The following SLC6A6 variants were observed in gnomAD, a reference collection of about 807,000 sequenced individuals.
The protein encoded by SLC6A6 is sodium- and chloride-dependent taurine transporter.
In SLC6A6, 16 loss-of-function variants were observed where a neutral mutation model predicts 68.8. That is an observed-to-expected ratio of 0.23 (90% CI 0.16 to 0.35). The LOEUF (loss-of-function observed/expected upper bound fraction) is 0.35. Among genes scored for constraint, SLC6A6 ranks in the 10% least tolerant of loss-of-function variants. The pLI, the probability that SLC6A6 is intolerant of heterozygous loss-of-function variation, is 1.00. For missense variants in SLC6A6, 474 were observed against 802.8 expected (o/e 0.59, Z 4.95); for synonymous variants, 312 against 315.4 (o/e 0.99, Z 0.12).
chr3:14,428,724 AG>A (rs1699656233), intron 2 of SLC6A6, among the ~76,000 whole-genome samples: 3 of 152,302 alleles, frequency 2.0e-5, no homozygotes, highest in African/African-American at 7.2e-5. Flanking sequence ...CACAGTCCAG[AG>A]CAGGGCAAGC....
Position 14,477,864 on chromosome 3 carries a change from A to G in SLC6A6, c.1347+522A>G, listed in dbSNP as rs1014171564. 2.0e-5 allele frequency among the ~76,000 whole-genome samples: 3 copies of G among 152,130 alleles called. No homozygotes were observed. The highest frequency in any genetic ancestry group is 6.5e-5 in the Admixed American group (1 of 15,272). On this transcript the variant is annotated intron_variant, in intron 11 of 14. Transcript: ENST00000622186. The surrounding 1 kb of genome is among the most constrained non-coding windows in gnomAD (Gnocchi z 4.2). The stretch of plus-strand genomic sequence containing the variant: ...AGGAGGGGCGATTTCAGATGCAGAC[A>G]AGGGAAGCAAAGAGCAGAAGGGAAC...
intron 2 of SLC6A6, among the ~76,000 whole-genome samples, chr3:14,426,024 A>G (rs1271000411): frequency 1.3e-5 from 2 of 152,162 alleles, no homozygotes; most frequent in Non-Finnish European, 2.9e-5. Flanking sequence ...TGCTCTTATG[A>G]TTGAGGCCAG....
chr3:14,469,162 A>T (rs943484888), intron 9 of SLC6A6, among the ~76,000 whole-genome samples: 1 of 151,934 alleles, frequency 6.6e-6, no homozygotes, highest in Non-Finnish European at 1.5e-5. Context: ...GGCCCTGCAC[A>T]GTTTACTTGG....
chr3:14,406,778 G>C (rs1699119225), intron 1 of SLC6A6, among the ~76,000 whole-genome samples: 1 of 152,216 alleles, frequency 6.6e-6, no homozygotes, highest in African/African-American at 2.4e-5. Context: ...AGGAATTGCT[G>C]TTCTGTTTCT....
At chr3:14,464,236 G>A (rs1356860150) in intron 6 of SLC6A6, among the ~76,000 whole-genome samples, 1 of 152,176 alleles carries the variant, frequency 6.6e-6, no homozygotes, top group Admixed American at 6.5e-5. Flanking sequence ...CTGCCCTCTG[G>A]TCTTGGGGAG....
At position 14,485,072 on chromosome 3, in the gene SLC6A6, C is replaced by A. The variant is rs541010494; in HGVS notation, c.*65C>A. On this transcript the variant is annotated 3_prime_UTR_variant, in exon 15 of 15. Coordinates refer to ENST00000622186, the MANE Select transcript of SLC6A6 (RefSeq NM_003043.6). ...TTACTAACATTAGATTCTCATAGGA[C>A]CAGGTTTACAGAGCTTTATATTTGC... 2.1e-6 allele frequency: 3 copies of A among 1,415,948 alleles called. No individual in the cohort carries two copies. Among genetic ancestry groups the A allele is most frequent in the Non-Finnish European group, 1.9e-6 (2 of 1,037,182 alleles). 87.7% of individuals were successfully genotyped at this position (1,415,948 alleles called of 1,614,324 possible). A position where few individuals can be genotyped will look rare whatever the true frequency, so the allele number is the denominator to read the frequency against.
chr3:14,428,149 T>C (rs757915414), intron 2 of SLC6A6, among the ~76,000 whole-genome samples: 5 of 152,162 alleles, frequency 3.3e-5, no homozygotes, highest in Admixed American at 6.5e-5. Flanking sequence ...CCCAGTCACA[T>C]GCACTGCAGA....
chr3:14,410,304 T>C (rs762686002), intron 1 of SLC6A6, among the ~76,000 whole-genome samples: 1 of 151,804 alleles, frequency 6.6e-6, no homozygotes, highest in African/African-American at 2.4e-5. Context: ...AAGGAAAGGG[T>C]TAATGCCTCC....
chr3:14,410,433 T>C (rs1331020757), intron 1 of SLC6A6, among the ~76,000 whole-genome samples: 2 of 152,182 alleles, frequency 1.3e-5, no homozygotes, highest in Non-Finnish European at 2.9e-5. Flanking sequence ...ACAGTTTGGC[T>C]GCTCAGGAGA....
chr3:14,486,128 A>G lies in SLC6A6; in HGVS notation c.*1121A>G, dbSNP rs1328557324. 3 of 152,650 alleles carry G rather than the reference A, an allele frequency of 2.0e-5. No homozygotes were observed. Among genetic ancestry groups the G allele is most frequent in the African/African-American group, 7.2e-5 (3 of 41,438 alleles). 9.5% of individuals were successfully genotyped at this position (152,650 alleles called of 1,614,324 possible). ...AGTGGTGGGGAGGTGAGTGGACCAA[A>G]GGATATAGGCCCCAGGCATGCAGAT... is the stretch of plus-strand genomic sequence containing the variant. On this transcript the variant is annotated 3_prime_UTR_variant, in exon 15 of 15. Transcript: ENST00000622186.
chr3:14,447,166 A>G (rs565640756), intron 4 of SLC6A6, among the ~76,000 whole-genome samples: 7 of 151,978 alleles, frequency 4.6e-5, no homozygotes, highest in Non-Finnish European at 8.8e-5. Context: ...CATTCATTCA[A>G]TCATCCAACT....
intron 13 of SLC6A6, among the ~76,000 whole-genome samples, chr3:14,480,241 A>G (rs899126279): frequency 2.6e-5 from 4 of 152,232 alleles, no homozygotes; most frequent in Non-Finnish European, 4.4e-5. Context: ...AAGTAATGGT[A>G]AGAGCCAGTA....
chr3:14,423,285 C>G (rs531766933), intron 2 of SLC6A6, among the ~76,000 whole-genome samples: 8 of 152,196 alleles, frequency 5.3e-5, no homozygotes, highest in Admixed American at 1.3e-4. Flanking sequence ...CTGTGCCAGG[C>G]CTTCTCATGC....
At chr3:14,430,686 GC>G (rs1442479385) in intron 2 of SLC6A6, among the ~76,000 whole-genome samples, 1 of 152,192 alleles carries the variant, frequency 6.6e-6, no homozygotes, top group Non-Finnish European at 1.5e-5. Flanking sequence ...TTAGATATGA[GC>G]CTCATCCTCC....
chr3:14,422,816 T>A (rs1699513524), intron 2 of SLC6A6, among the ~76,000 whole-genome samples: 1 of 152,214 alleles, frequency 6.6e-6, no homozygotes, highest in South Asian at 2.1e-4. Flanking sequence ...CTTTGCTACC[T>A]CTGTCACAAG....
intron 5 of SLC6A6, among the ~76,000 whole-genome samples, chr3:14,455,847 G>A (rs1454567736): frequency 6.6e-6 from 1 of 152,292 alleles, no homozygotes; most frequent in Non-Finnish European, 1.5e-5. Flanking sequence ...TTGGCCGCCA[G>A]CCTGCCCTAT....
rs1490504085 is a variant in SLC6A6, at chr3:14,481,727, C to T, written c.1608C>T (p.Tyr536=). ...TACCCCTGACCTACAACAAAACATA[C>T]GTGTACCCCAACTGGGCCATTGGGC... ...KYVPLTYNKT[Y]VYPNWAIGLG... The change falls in exon 14 of 15, where the codon TAC becomes TAT. Residue 536 remains tyrosine (Y), a synonymous_variant. Coordinates refer to ENST00000622186, the MANE Select transcript of SLC6A6 (RefSeq NM_003043.6). This position sits in a 1 kb window ranked among gnomAD's most constrained non-coding sequence, Gnocchi z 4.7. 1 of 1,613,658 alleles carries T rather than the reference C, an allele frequency of 6.2e-7. No homozygotes were observed. Among genetic ancestry groups the T allele is most frequent in the Admixed American group, 1.7e-5 (1 of 59,992 alleles).
chr3:14,435,882 G>A (rs1477260715), intron 2 of SLC6A6, among the ~76,000 whole-genome samples: 1 of 152,264 alleles, frequency 6.6e-6, no homozygotes, highest in Non-Finnish European at 1.5e-5. Context: ...TGGGAGCTAA[G>A]GAGAGCTGCC....
At chr3:14,415,717 C>G (rs997026176) in intron 1 of SLC6A6, among the ~76,000 whole-genome samples, 6 of 152,114 alleles carry the variant, frequency 3.9e-5, no homozygotes, top group African/African-American at 1.4e-4. Flanking sequence ...ACAGAACCCC[C>G]CCGCTCCAAA....
Sources: gnomAD v4.1 joint callset for allele counts (sites outside exome capture counted in the v4.1 genomes callset) on GRCh38, gnomAD v4.1.1 for gene constraint, Gnocchi (gnomAD v3.1) non-coding constraint, MANE v1.5 for transcripts, NCBI Gene and HGNC (gene_info 2026-07-23, HGNC 2026-07-21) for gene names.